Variants in LATS2 observed in about 807,000 individuals in gnomAD.
LATS2 encodes the protein serine/threonine-protein kinase LATS2.
A neutral mutation model predicts 76.0 loss-of-function variants in LATS2; 24 were observed. The ratio of observed to expected loss-of-function variants is 0.32; its 90% confidence interval spans 0.23 to 0.44. The LOEUF is 0.44. LATS2 is among the 20% of genes least tolerant of loss of function. LATS2 has a pLI of 1.00. For synonymous variants in LATS2, 692 were observed against 635.4 expected, an observed-to-expected ratio of 1.09 and a Z score of -1.34; for missense variants, 1,286 against 1,481.2, an observed-to-expected ratio of 0.87 and a Z score of 2.16.
At chr13:21,003,305 G>A (rs1871127217) in intron 2 of LATS2, among the ~76,000 whole-genome samples, 1 of 152,202 alleles carries the variant, frequency 6.6e-6, no homozygotes, top group African/African-American at 2.4e-5. Flanking sequence ...TCGGGCTGGA[G>A]TGCAGTGGCC....
chr13:20,974,285 A>T lies in LATS2; in HGVS notation c.*585T>A. 1 of 224,058 alleles carries T rather than the reference A, an allele frequency of 4.5e-6. No individual in the cohort carries two copies. Among genetic ancestry groups the T allele is most frequent in the Non-Finnish European group, 8.9e-6 (1 of 112,430 alleles). The allele number at this position is 224,058 out of a possible 1,614,324, so 13.9% of individuals were successfully genotyped here. On this transcript the variant is annotated 3_prime_UTR_variant, in exon 8 of 8. Coordinates refer to ENST00000382592, the MANE Select transcript of LATS2 (RefSeq NM_014572.3). ...TCACCTTGCTCACACTTCCTATTAT[A>T]CTAGATATGCAAAAAGCCAAAAAAA...
chr13:21,014,366 G>A (rs189346417), intron 2 of LATS2, among the ~76,000 whole-genome samples: 209 of 152,230 alleles, frequency 1.4e-3, no homozygotes, highest in Non-Finnish European at 2.6e-3. Flanking sequence ...GCCAAAGACA[G>A]CCCTGACAAC....
chr13:21,031,043 G>A (rs1456396818), intron 2 of LATS2, among the ~76,000 whole-genome samples: 2 of 151,958 alleles, frequency 1.3e-5, no homozygotes, highest in African/African-American at 4.8e-5. Flanking sequence ...AATATATGCA[G>A]CATTTATACT....
At position 21,045,800 on chromosome 13, in the gene LATS2, G is replaced by T. The variant is rs994979881; in HGVS notation, c.227C>A (p.Ala76Asp). 6.2e-7 allele frequency: 1 copy of T among 1,614,180 alleles called. No homozygotes were observed. The highest frequency in any genetic ancestry group is 8.5e-7 in the Non-Finnish European group (1 of 1,180,026). Residue 76 changes from alanine to aspartate, a missense_variant, in exon 2 of 8, where the codon GCC (alanine) becomes GAC (aspartate). Coordinates refer to ENST00000382592, the MANE Select transcript of LATS2 (RefSeq NM_014572.3). ...ATPKFGPYQK[A>D]LREIRYSLLP... ...CAAGGAATATCTGATTTCCCTCAAG[G>T]CTTTCTGATAAGGTCCGAACTTTGG...
chr13:21,045,187 C>T lies in LATS2; in HGVS notation c.342+498G>A, dbSNP rs372320989. Among the ~76,000 whole-genome samples the T allele has an allele frequency of 3.3e-5, 5 of 152,142 alleles. No individual in the cohort carries two copies. In the East Asian group the frequency reaches 9.7e-4, roughly 29 times the overall value. On this transcript the variant is annotated intron_variant, in intron 2 of 7. Transcript: ENST00000382592. ...TTCCTGAACATGTTAATAGTTACAC[C>T]CCCTGTAACAGCATATACACTAATT...
chr13:21,044,073 T>C (rs568712693), intron 2 of LATS2, among the ~76,000 whole-genome samples: 3 of 152,332 alleles, frequency 2.0e-5, no homozygotes, highest in African/African-American at 7.2e-5. Flanking sequence ...TGCTGTCAGC[T>C]TCACTGCTGA....
At chr13:20,987,837 G>A (rs1447621406) in intron 4 of LATS2, 44 bp downstream of exon 4, 2 of 1,586,464 alleles carry the variant, frequency 1.3e-6, no homozygotes, top group East Asian at 2.2e-5. Flanking sequence ...TGCCAGTAGA[G>A]GGATGAGCCG....
In LATS2 at chr13:21,029,466, G is replaced by C. The variant is rs112949220; in HGVS notation, c.342+16219C>G. 2.3e-3 allele frequency among the ~76,000 whole-genome samples: 349 copies of C among 152,264 alleles called. 1 individual carries two copies. The highest frequency in any genetic ancestry group is 7.7e-3 in the African/African-American group (321 of 41,552). ...CCAAATGCCATTTACTAATATTTTG[G>C]TAAGGATGTTTGGATTTATATTGCA... On this transcript the variant is annotated intron_variant, in intron 2 of 7. Transcript: ENST00000382592.
chr13:21,037,671 T>G (rs1872727410), intron 2 of LATS2, among the ~76,000 whole-genome samples: 1 of 152,156 alleles, frequency 6.6e-6, no homozygotes. Context: ...ACGAGGGACC[T>G]AATTTTGACT....
At position 20,991,145 on chromosome 13, in the gene LATS2, G is replaced by T; in HGVS notation, c.475+127C>A. The T allele has an allele frequency of 8.3e-7, 1 of 1,203,262 alleles. No homozygotes were observed. The highest frequency in any genetic ancestry group is 1.2e-6 in the Non-Finnish European group (1 of 840,894). The allele number at this position is 1,203,262 out of a possible 1,614,324, so 74.5% of individuals were successfully genotyped here. Reference sequence around the variant, plus strand: ...GGCAGGCTCAGCTTGCCTGTTAACTGAATGAGGCAATGTGCCAGGAGACTG... The same window carrying T: ...GGCAGGCTCAGCTTGCCTGTTAACTTAATGAGGCAATGTGCCAGGAGACTG... On this transcript the variant is annotated intron_variant, in intron 3 of 7. Transcript: ENST00000382592. This position sits in a 1 kb window ranked among gnomAD's most constrained non-coding sequence, Gnocchi z 4.9.
chr13:21,042,772 A>G (rs773251517), intron 2 of LATS2, among the ~76,000 whole-genome samples: 8 of 149,158 alleles, frequency 5.4e-5, no homozygotes, highest in Non-Finnish European at 1.2e-4. Flanking sequence ...GCGGATCACA[A>G]GGTCAGGAGA....
intron 7 of LATS2, among the ~76,000 whole-genome samples, chr13:20,978,513 T>C (rs757463851): frequency 2.0e-5 from 3 of 152,186 alleles, no homozygotes; most frequent in Non-Finnish European, 2.9e-5. Context: ...CCTGACCACA[T>C]AGCTGACAGT....
chr13:21,006,734 G>A (rs907754566), intron 2 of LATS2, among the ~76,000 whole-genome samples: 14 of 152,208 alleles, frequency 9.2e-5, no homozygotes, highest in Non-Finnish European at 1.6e-4. Flanking sequence ...GTGCCTCACT[G>A]CACACACCTG....
intron 7 of LATS2, among the ~76,000 whole-genome samples, chr13:20,979,435 G>A (rs761972484): frequency 1.1e-4 from 16 of 152,102 alleles, no homozygotes; most frequent in South Asian, 2.1e-4. Flanking sequence ...GAAATAGCAA[G>A]GTGGCAGATG....
At chr13:21,055,385 T>C (rs1873418706) in intron 1 of LATS2, among the ~76,000 whole-genome samples, 1 of 152,202 alleles carries the variant, frequency 6.6e-6, no homozygotes, top group Non-Finnish European at 1.5e-5. Context: ...TTCACACACA[T>C]TTTAAGTAAC....
intron 2 of LATS2, among the ~76,000 whole-genome samples, chr13:21,006,052 G>A (rs1383449612): frequency 1.3e-5 from 2 of 151,926 alleles, no homozygotes; most frequent in Non-Finnish European, 2.9e-5. Flanking sequence ...CAGGAGAATC[G>A]CTGGAACCCG....
chr13:21,021,066 T>C (rs1872040046), intron 2 of LATS2, among the ~76,000 whole-genome samples: 2 of 152,228 alleles, frequency 1.3e-5, no homozygotes, highest in Non-Finnish European at 2.9e-5. Context: ...GGGAGGGTTA[T>C]AGATGAAACA....
chr13:20,977,760 T>TA, intron 7 of LATS2, among the ~76,000 whole-genome samples: 4 of 152,284 alleles, frequency 2.6e-5, no homozygotes, highest in South Asian at 2.1e-4. Flanking sequence ...TGGTAAATTT[T>TA]ATGTTATGTA....
chr13:21,061,050 G>A (rs1192660894), intron 1 of LATS2, among the ~76,000 whole-genome samples: 2 of 151,128 alleles, frequency 1.3e-5, no homozygotes, highest in Admixed American at 6.6e-5. Context: ...GCGCAGCCCC[G>A]CTGCCCCCGC....
Sources: allele counts gnomAD v4.1 joint callset (sites outside exome capture counted in the v4.1 genomes callset), GRCh38; gene constraint gnomAD v4.1.1; non-coding constraint Gnocchi (gnomAD v3.1); transcripts MANE v1.5; gene names NCBI Gene and HGNC (gene_info 2026-07-23, HGNC 2026-07-21).